Variants in GMDS observed in about 807,000 individuals in gnomAD.
GMDS encodes GDP-mannose 4,6-dehydratase.
GMDS carries 20 observed loss-of-function variants against 49.9 expected under a neutral mutation model. That is an observed-to-expected ratio of 0.40 (90% CI 0.28 to 0.58). The LOEUF is 0.58. GMDS is among the 20% of genes least tolerant of loss of function. GMDS has a pLI of 0.42. For missense variants in GMDS, 362 were observed against 481.4 expected, an observed-to-expected ratio of 0.75 and a Z score of 2.32; for synonymous variants, 177 against 178.6, an observed-to-expected ratio of 0.99 and a Z score of 0.07.
At chr6:1,992,034 A>G (rs1403986849) in intron 4 of GMDS, among the ~76,000 whole-genome samples, 1 of 152,258 alleles carries the variant, frequency 6.6e-6, no homozygotes, top group Non-Finnish European at 1.5e-5. Flanking sequence ...AAGGGAGCAC[A>G]GCCCTGCTGA....
At chr6:2,131,879 C>A (rs1775758316) in intron 1 of GMDS, among the ~76,000 whole-genome samples, 1 of 151,510 alleles carries the variant, frequency 6.6e-6, no homozygotes, top group Non-Finnish European at 1.5e-5. Flanking sequence ...CCCATTCTTG[C>A]CACTCATACT....
intron 9 of GMDS, among the ~76,000 whole-genome samples, chr6:1,685,015 C>CA (rs919664576): frequency 7.1e-5 from 8 of 112,300 alleles, no homozygotes; most frequent in South Asian, 6.4e-4. Context: ...CTCTCTCCCC[C>CA]CCCTTTTTTT....
chr6:1,772,645 G>A (rs1043087269), intron 7 of GMDS, among the ~76,000 whole-genome samples: 28 of 152,274 alleles, frequency 1.8e-4, no homozygotes, highest in South Asian at 1.7e-3. Flanking sequence ...GGGAGTATAC[G>A]TTCGTGGGGA....
At chr6:1,920,639 TC>T (rs1258819873) in intron 7 of GMDS, among the ~76,000 whole-genome samples, 2 of 152,234 alleles carry the variant, frequency 1.3e-5, no homozygotes, top group African/African-American at 4.8e-5. Flanking sequence ...GATATTTACA[TC>T]TATTTCCTGT....
chr6:1,738,504 C>T (rs555343583), intron 8 of GMDS, among the ~76,000 whole-genome samples: 73 of 152,296 alleles, frequency 4.8e-4, no homozygotes, highest in African/African-American at 1.7e-3. Flanking sequence ...TTTCGGAGAA[C>T]ATTACAACGG....
At position 1,956,088 on chromosome 6, in the gene GMDS, T is replaced by C. The variant is rs573606537; in HGVS notation, c.643+3779A>G. The stretch of plus-strand genomic sequence containing the variant: ...CTTAAGGACTGGCTCACTATGCTCT[T>C]TAACATTTATAGGAAATCTTTCTAA... On this transcript the variant is annotated intron_variant, in intron 6 of 10. Coordinates refer to ENST00000380815, the MANE Select transcript of GMDS (RefSeq NM_001500.4). Among the ~76,000 whole-genome samples, 104 of 152,336 alleles carry C rather than the reference T, an allele frequency of 6.8e-4. 1 individual carries two copies. In the South Asian group the frequency reaches 0.015, roughly 22 times the overall value.
chr6:1,861,699 G>A (rs1758195063), intron 7 of GMDS, among the ~76,000 whole-genome samples: 1 of 152,128 alleles, frequency 6.6e-6, no homozygotes, highest in African/African-American at 2.4e-5. Context: ...ATTGGCTAGA[G>A]TGATCTGGTC....
chr6:1,921,992 A>G lies in GMDS; in HGVS notation c.771+8111T>C, dbSNP rs149426325. Reference sequence around the variant, plus strand: ...CACATTCAGTGAGGAGGCCACTGACATATTTCCCTTCCAAGAAAGAACACC... The same window carrying G: ...CACATTCAGTGAGGAGGCCACTGACGTATTTCCCTTCCAAGAAAGAACACC... On this transcript the variant is annotated intron_variant, in intron 7 of 10. Transcript: ENST00000380815. 2.7e-3 allele frequency among the ~76,000 whole-genome samples: 416 copies of G among 152,342 alleles called. 1 individual carries two copies. Among genetic ancestry groups the G allele is most frequent in the African/African-American group, 9.3e-3 (386 of 41,582 alleles).
In GMDS at chr6:1,635,761, G is replaced by T. The variant is rs1273946645; in HGVS notation, c.988-11221C>A. ...ATGATACTGCGGTGGATGTGAAGGC[G>T]CTTTGGAAAAGACAGCTCTATCCAA... On this transcript the variant is annotated intron_variant, in intron 9 of 10. Transcript: ENST00000380815. The surrounding 1 kb of genome is among the most constrained non-coding windows in gnomAD (Gnocchi z 4.7). 6.6e-6 allele frequency among the ~76,000 whole-genome samples: 1 copy of T among 152,174 alleles called. No individual in the cohort carries two copies. Among genetic ancestry groups the T allele is most frequent in the South Asian group, 2.1e-4 (1 of 4,828 alleles).
At chr6:1,853,141 G>A (rs1757767507) in intron 7 of GMDS, among the ~76,000 whole-genome samples, 1 of 152,102 alleles carries the variant, frequency 6.6e-6, no homozygotes, top group Non-Finnish European at 1.5e-5. Flanking sequence ...GGGCATACAA[G>A]AAACTCTGAA....
chr6:1,819,384 C>T (rs1212529459), intron 7 of GMDS, among the ~76,000 whole-genome samples: 1 of 152,162 alleles, frequency 6.6e-6, no homozygotes, highest in African/African-American at 2.4e-5. Flanking sequence ...CTGTGAAAAG[C>T]ACTGAGTTGT....
intron 7 of GMDS, among the ~76,000 whole-genome samples, chr6:1,858,201 C>A (rs956851393): frequency 6.6e-6 from 1 of 152,020 alleles, no homozygotes; most frequent in African/African-American, 2.4e-5. Flanking sequence ...AATGTAAAAC[C>A]TAAAAATAAT....
intron 7 of GMDS, among the ~76,000 whole-genome samples, chr6:1,759,081 C>G (rs540601137): frequency 3.9e-5 from 6 of 152,094 alleles, no homozygotes; most frequent in Admixed American, 3.9e-4. Flanking sequence ...CGCCACCACG[C>G]CCGGCTAATT....
chr6:2,197,168 T>C (rs911046894), intron 1 of GMDS, among the ~76,000 whole-genome samples: 2 of 152,196 alleles, frequency 1.3e-5, no homozygotes, highest in African/African-American at 4.8e-5. Context: ...TGATAACTGT[T>C]CCCATTACTG....
intron 4 of GMDS, among the ~76,000 whole-genome samples, chr6:2,016,708 G>A (rs1490837757): frequency 2.0e-5 from 3 of 151,898 alleles, no homozygotes; most frequent in Non-Finnish European, 4.4e-5. Flanking sequence ...TAAAAGGATC[G>A]AAATAACAAA....
At chr6:1,737,576 C>A (rs1767048543) in intron 8 of GMDS, among the ~76,000 whole-genome samples, 1 of 146,178 alleles carries the variant, frequency 6.8e-6, no homozygotes, top group Admixed American at 6.8e-5. Flanking sequence ...ACCACACACA[C>A]AAAAATACAC....
At chr6:2,138,006 G>A (rs1307400546) in intron 1 of GMDS, among the ~76,000 whole-genome samples, 1 of 152,052 alleles carries the variant, frequency 6.6e-6, no homozygotes, top group East Asian at 1.9e-4. Context: ...TACAGAATTC[G>A]GTCTAAGAGA....
chr6:2,148,516 G>C (rs1203877292), intron 1 of GMDS, among the ~76,000 whole-genome samples: 1 of 152,140 alleles, frequency 6.6e-6, no homozygotes, highest in Non-Finnish European at 1.5e-5. Context: ...CACGTCCTGG[G>C]TTCAAGCTAT....
chr6:1,910,132 A>AT (rs1230319720), intron 7 of GMDS, among the ~76,000 whole-genome samples: 1 of 152,178 alleles, frequency 6.6e-6, no homozygotes, highest in Admixed American at 6.5e-5. Context: ...TTAATGTTAC[A>AT]TTTTTACTTT....
Sources: gnomAD v4.1 joint callset for allele counts (sites outside exome capture counted in the v4.1 genomes callset) on GRCh38, gnomAD v4.1.1 for gene constraint, Gnocchi (gnomAD v3.1) non-coding constraint, MANE v1.5 for transcripts, NCBI Gene and HGNC (gene_info 2026-07-23, HGNC 2026-07-21) for gene names.